The following TMEM182 variants were observed in gnomAD, a reference collection of about 807,000 sequenced individuals.
TMEM182 encodes the protein transmembrane protein 182.
TMEM182 carries 20 observed loss-of-function variants against 26.8 expected under a neutral mutation model. The observed-to-expected ratio is 0.75, with a 90% CI of 0.53 to 1.09. The LOEUF (loss-of-function observed/expected upper bound fraction) is 1.09, where lower values mean the gene tolerates loss of function less well. Ranked by LOEUF, TMEM182 falls within the 50% of genes least tolerant of loss-of-function variation. TMEM182 has a pLI of 0.00. For synonymous variants in TMEM182, 109 were observed against 102.2 expected, an observed-to-expected ratio of 1.07 and a Z score of -0.40; for missense variants, 277 against 275.5, an observed-to-expected ratio of 1.01 and a Z score of -0.04.
chr2:102,817,475 T>C lies in TMEM182; in HGVS notation c.*2507T>C. On this transcript the variant is annotated 3_prime_UTR_variant, in exon 5 of 5. Transcript: ENST00000412401. ...GGTTTAATTCACTCAGGTGGATGAT[T>C]GCACATACATTGGAATTGGCTGGAG... 2 of 985,426 alleles carry C rather than the reference T, an allele frequency of 2.0e-6. No individual in the cohort carries two copies. Among genetic ancestry groups the C allele is most frequent in the Non-Finnish European group, 2.4e-6 (2 of 829,924 alleles). 61.0% of individuals were successfully genotyped at this position (985,426 alleles called of 1,614,324 possible). A position where few individuals can be genotyped will look rare whatever the true frequency, so the allele number is the denominator to read the frequency against.
chr2:102,795,452 T>C (rs755352990), intron 3 of TMEM182, among the ~76,000 whole-genome samples: 1 of 152,228 alleles, frequency 6.6e-6, no homozygotes, highest in Non-Finnish European at 1.5e-5. Context: ...TTATTATTAT[T>C]TTTTCGGCAG....
intron 3 of TMEM182, chr2:102,834,459 C>T: frequency 1.0e-6 from 1 of 985,000 alleles, no homozygotes; most frequent in Non-Finnish European, 1.2e-6. Flanking sequence ...AAAACGTCTG[C>T]CAGTGCCCCA....
chr2:102,831,292 G>C (rs1352040845), intron 3 of TMEM182, among the ~76,000 whole-genome samples: 1 of 152,178 alleles, frequency 6.6e-6, no homozygotes, highest in African/African-American at 2.4e-5. Context: ...GTACTAATTT[G>C]CATTCCCACT....
intron 4 of TMEM182, among the ~76,000 whole-genome samples, chr2:102,801,998 G>A (rs991664723): frequency 2.0e-5 from 3 of 152,174 alleles, no homozygotes; most frequent in Admixed American, 6.5e-5. Flanking sequence ...AATGTGACTG[G>A]TCACTCGCTC....
rs539300239 is a variant in TMEM182, at chr2:102,780,656, G to T, written c.331+16229G>T. Among the ~76,000 whole-genome samples the T allele has an allele frequency of 1.5e-4, 23 of 152,316 alleles. 1 individual carries two copies. Among genetic ancestry groups the T allele is most frequent in the Admixed American group, 1.3e-4 (2 of 15,310 alleles). The stretch of plus-strand genomic sequence containing the variant: ...TGGAGGGTGACCTCATGACCACCCT[G>T]CAGGGATGAAAGTCCAGGCTCCTTA... On this transcript the variant is annotated intron_variant, in intron 3 of 4. Coordinates refer to ENST00000412401, the MANE Select transcript of TMEM182 (RefSeq NM_144632.5).
At chr2:102,738,924 A>G (rs1023951966) in intron 1 of TMEM182, among the ~76,000 whole-genome samples, 1 of 152,202 alleles carries the variant, frequency 6.6e-6, no homozygotes, top group Non-Finnish European at 1.5e-5. Flanking sequence ...ACAATGTCAG[A>G]GTGGATTTAT....
chr2:102,757,588 A>G (rs1200730107), upstream of TMEM182: 4 of 152,158 alleles, frequency 2.6e-5, no homozygotes, highest in African/African-American at 4.8e-5. Context: ...AGTCTTATGC[A>G]TATTAGCTAC....
At chr2:102,834,845 G>A (rs1004101094) in intron 3 of TMEM182, among the ~76,000 whole-genome samples, 1 of 152,126 alleles carries the variant, frequency 6.6e-6, no homozygotes, top group African/African-American at 2.4e-5. Flanking sequence ...TCCACTTGCC[G>A]GTTGTTACCT....
intron 3 of TMEM182, chr2:102,843,346 A>T (rs1683388737): frequency 6.6e-6 from 1 of 152,178 alleles, no homozygotes; most frequent in Admixed American, 6.5e-5. Flanking sequence ...TATTCTCCAT[A>T]ATTCTCGGTC....
Position 102,830,647 on chromosome 2 carries a change from G to T in TMEM182, c.326-12765G>T, listed in dbSNP as rs148303236. On this transcript the variant is annotated intron_variant, in intron 3 of 3. Coordinates refer to the TMEM182 transcript ENST00000486293. ...CAATGTGAAAAGAGCATATCATGGA[G>T]AATGGGGTGTCCCTCCCCTCAAGCA... is the stretch of plus-strand genomic sequence containing the variant. Among the ~76,000 whole-genome samples, 313 of 152,288 alleles carry T rather than the reference G, an allele frequency of 2.1e-3. 4 individuals carry two copies. Among genetic ancestry groups the T allele is most frequent in the African/African-American group, 7.2e-3 (299 of 41,560 alleles).
intron 3 of TMEM182, among the ~76,000 whole-genome samples, chr2:102,831,345 C>A (rs958426763): frequency 2.0e-5 from 3 of 152,212 alleles, no homozygotes. Context: ...TCCTTGCCAG[C>A]ATTTGTTATG....
intron 3 of TMEM182, chr2:102,834,308 C>A: frequency 1.2e-6 from 1 of 840,204 alleles, no homozygotes; most frequent in Non-Finnish European, 1.4e-6. Flanking sequence ...AAACCCTCAT[C>A]CATTTACCAT....
At chr2:102,823,150 T>G (rs1416823024) in intron 3 of TMEM182, among the ~76,000 whole-genome samples, 1 of 152,196 alleles carries the variant, frequency 6.6e-6, no homozygotes, top group Non-Finnish European at 1.5e-5. Context: ...TTAGTGTACA[T>G]CTGGAAGGTT....
chr2:102,801,714 T>C (rs1682147672), intron 4 of TMEM182, among the ~76,000 whole-genome samples: 1 of 151,770 alleles, frequency 6.6e-6, no homozygotes, highest in African/African-American at 2.4e-5. Flanking sequence ...GAAAGGAAAA[T>C]TTGTTTTTCT....
At chr2:102,796,492 G>A (rs1206588545) in intron 3 of TMEM182, among the ~76,000 whole-genome samples, 3 of 152,212 alleles carry the variant, frequency 2.0e-5, no homozygotes, top group Non-Finnish European at 2.9e-5. Context: ...AATGTAAAAT[G>A]TGAGACTCAC....
intron 3 of TMEM182, among the ~76,000 whole-genome samples, chr2:102,771,380 G>T (rs1474154285): frequency 2.0e-5 from 3 of 152,098 alleles, no homozygotes; most frequent in Admixed American, 2.0e-4. Context: ...ATTGCATGCA[G>T]GCTTGGGGCC....
At chr2:102,794,312 T>G (rs868081021) in intron 3 of TMEM182, among the ~76,000 whole-genome samples, 2 of 152,210 alleles carry the variant, frequency 1.3e-5, no homozygotes, top group South Asian at 4.1e-4. Flanking sequence ...TTATGCTGAT[T>G]TTTTAAATTT....
chr2:102,771,224 A>G (rs1321378357), intron 3 of TMEM182, among the ~76,000 whole-genome samples: 1 of 152,090 alleles, frequency 6.6e-6, no homozygotes, highest in Non-Finnish European at 1.5e-5. Flanking sequence ...ATATTTGGAA[A>G]TGCCTAACAT....
intron 3 of TMEM182, among the ~76,000 whole-genome samples, chr2:102,774,400 T>A (rs1410356736): frequency 6.6e-6 from 1 of 151,322 alleles, no homozygotes; most frequent in African/African-American, 2.4e-5. Context: ...GGATTACAGG[T>A]GCATGCCACC....
Sources: gnomAD v4.1 joint callset for allele counts (sites outside exome capture counted in the v4.1 genomes callset) on GRCh38, gnomAD v4.1.1 for gene constraint, MANE v1.5 for transcripts, NCBI Gene and HGNC (gene_info 2026-07-23, HGNC 2026-07-21) for gene names.